The following EYS variants were observed in gnomAD, a reference collection of about 807,000 sequenced individuals.
The protein encoded by EYS is EGF-like photoreceptor maintenance factor, also known as protein eyes shut homolog.
A neutral mutation model predicts 282.1 loss-of-function variants in EYS; 250 were observed. The ratio of observed to expected loss-of-function variants is 0.89; its 90% CI spans 0.80 to 0.98. The LOEUF (loss-of-function observed/expected upper bound fraction) is 0.98, where lower values mean the gene tolerates loss of function less well. Ranked by LOEUF, EYS falls within the 50% of genes least tolerant of loss-of-function variation. The pLI, the probability that EYS is intolerant of heterozygous loss-of-function variation, is 0.00. For missense variants in EYS, 4,016 were observed against 3,709.0 expected (o/e 1.08, Z -2.15); for synonymous variants, 1,355 against 1,282.9 (o/e 1.06, Z -1.20).
intron 2 of EYS, among the ~76,000 whole-genome samples, chr6:65,605,818 G>C (rs1399568816): frequency 1.3e-5 from 2 of 151,742 alleles, no homozygotes; most frequent in African/African-American, 4.8e-5. Flanking sequence ...GTGTGTATGT[G>C]TGTATATATT....
At chr6:65,435,360 C>T (rs1768035611) in intron 5 of EYS, among the ~76,000 whole-genome samples, 1 of 151,812 alleles carries the variant, frequency 6.6e-6, no homozygotes, top group Non-Finnish European at 1.5e-5. Context: ...TTTAGTAGTT[C>T]TATTTTCACA....
intron 2 of EYS, among the ~76,000 whole-genome samples, chr6:65,581,505 T>A (rs1374420487): frequency 6.6e-6 from 1 of 152,094 alleles, no homozygotes; most frequent in Non-Finnish European, 1.5e-5. Context: ...GGAAACACAA[T>A]AATTGCCAAT....
chr6:65,266,242 T>C (rs897495055), intron 12 of EYS, among the ~76,000 whole-genome samples: 2 of 151,956 alleles, frequency 1.3e-5, no homozygotes, highest in Non-Finnish European at 2.9e-5. Flanking sequence ...CTGTAGAACC[T>C]ATATTTACTT....
intron 22 of EYS, among the ~76,000 whole-genome samples, chr6:64,738,730 G>A (rs374543735): frequency 1.3e-5 from 2 of 152,142 alleles, no homozygotes; most frequent in East Asian, 1.9e-4. Context: ...TGAGAGAAAG[G>A]CCATGCAAAA....
At chr6:65,425,266 T>C (rs371352595) in intron 5 of EYS, among the ~76,000 whole-genome samples, 2 of 152,236 alleles carry the variant, frequency 1.3e-5, no homozygotes, top group East Asian at 3.9e-4. Context: ...TTCTCCATGA[T>C]CATGAAGAGA....
rs1470128274 is a variant in EYS, at chr6:65,170,339, G to T, written c.2024-112612C>A. Among the ~76,000 whole-genome samples, 6 of 151,612 alleles carry T rather than the reference G, an allele frequency of 4.0e-5. No individual in the cohort carries two copies. In the South Asian group the frequency reaches 1.2e-3, roughly 32 times the overall value. On this transcript the variant is annotated intron_variant, in intron 12 of 42. Transcript: ENST00000503581. ...GGAGTTTTTTGTCATATAGAAAAAA[G>T]AGGTTGATTTTAAAATGAACTGACA...
chr6:64,558,023 A>C (rs1765285452), intron 26 of EYS, among the ~76,000 whole-genome samples: 1 of 152,138 alleles, frequency 6.6e-6, no homozygotes, highest in African/African-American at 2.4e-5. Context: ...CTAACTTAAA[A>C]AGAGAAAGGT....
intron 31 of EYS, among the ~76,000 whole-genome samples, chr6:64,179,785 A>C (rs1764738106): frequency 6.6e-6 from 1 of 152,100 alleles, no homozygotes; most frequent in Non-Finnish European, 1.5e-5. Flanking sequence ...TTAGGAGCTG[A>C]TTCTTAAGGC....
chr6:65,301,414 G>A (rs1768820961), intron 11 of EYS, among the ~76,000 whole-genome samples: 1 of 152,210 alleles, frequency 6.6e-6, no homozygotes, highest in African/African-American at 2.4e-5. Flanking sequence ...CGTCGTGCTG[G>A]CACTTTTACC....
intron 15 of EYS, among the ~76,000 whole-genome samples, chr6:64,928,408 C>A (rs1466099084): frequency 1.3e-5 from 2 of 152,086 alleles, no homozygotes; most frequent in Non-Finnish European, 2.9e-5. Flanking sequence ...ATTTTACTCA[C>A]AAATACCATA....
chr6:64,537,516 T>A (rs1562048122), intron 26 of EYS, among the ~76,000 whole-genome samples: 1 of 152,188 alleles, frequency 6.6e-6, no homozygotes, highest in Non-Finnish European at 1.5e-5. Flanking sequence ...TGATTCCTAT[T>A]TCTTTGACAG....
At chr6:65,147,145 G>A (rs931670028) in intron 12 of EYS, among the ~76,000 whole-genome samples, 7 of 151,794 alleles carry the variant, frequency 4.6e-5, no homozygotes, top group Non-Finnish European at 7.4e-5. Context: ...TATTAGATAT[G>A]ACTAAAGATG....
chr6:65,144,246 C>T (rs1202373201), intron 12 of EYS, among the ~76,000 whole-genome samples: 1 of 152,056 alleles, frequency 6.6e-6, no homozygotes, highest in Non-Finnish European at 1.5e-5. Flanking sequence ...ACATATATTA[C>T]AATTCTATTC....
At position 65,601,131 on chromosome 6, in the gene EYS, TA is replaced by T. The variant is rs535820737; in HGVS notation, c.-333+38646del. Among the ~76,000 whole-genome samples, 8 of 152,082 alleles carry T rather than the reference TA, an allele frequency of 5.3e-5. No homozygotes were observed. In the East Asian group the frequency reaches 1.6e-3, roughly 29 times the overall value. On this transcript the variant is annotated intron_variant, in intron 2 of 42. Coordinates refer to ENST00000503581, the MANE Select transcript of EYS (RefSeq NM_001142800.2). Reference sequence around the variant, plus strand: ...CCAGTTTAAAATTAGGTAGCTTACATAGGGGCATTTATATTGTTTCATGGAA... The same window carrying T: ...CCAGTTTAAAATTAGGTAGCTTACATGGGGCATTTATATTGTTTCATGGAA...
chr6:64,949,538 AGGCC>A (rs1769409597), intron 14 of EYS, among the ~76,000 whole-genome samples: 1 of 151,908 alleles, frequency 6.6e-6, no homozygotes, highest in Non-Finnish European at 1.5e-5. Flanking sequence ...GTTTTGTTAA[AGGCC>A]CATTTAATTA....
At chr6:64,665,343 T>C (rs1377416300) in intron 22 of EYS, among the ~76,000 whole-genome samples, 1 of 152,154 alleles carries the variant, frequency 6.6e-6, no homozygotes, top group Non-Finnish European at 1.5e-5. Flanking sequence ...TGTAAGTGCT[T>C]TGAGTAAGGG....
At chr6:64,436,956 G>A (rs893103148) in intron 27 of EYS, among the ~76,000 whole-genome samples, 1 of 151,710 alleles carries the variant, frequency 6.6e-6, no homozygotes, top group Non-Finnish European at 1.5e-5. Context: ...GTATCTAAAA[G>A]TGATCTATAA....
chr6:65,435,386 T>G (rs2150387609), intron 5 of EYS, among the ~76,000 whole-genome samples: 1 of 152,174 alleles, frequency 6.6e-6, no homozygotes, highest in Admixed American at 6.5e-5. Flanking sequence ...TCTAATAAAA[T>G]TTTGTTTTAT....
chr6:64,305,932 G>A (rs1226960005), intron 30 of EYS, among the ~76,000 whole-genome samples: 1 of 151,988 alleles, frequency 6.6e-6, no homozygotes, highest in African/African-American at 2.4e-5. Context: ...TATTAACAGA[G>A]TATAAAGACA....
Sources: allele counts gnomAD v4.1 joint callset (sites outside exome capture counted in the v4.1 genomes callset), GRCh38; gene constraint gnomAD v4.1.1; transcripts MANE v1.5; gene names NCBI Gene and HGNC (gene_info 2026-07-23, HGNC 2026-07-21).